FOXJ3: variants seen among roughly 807,000 people sequenced by gnomAD.
The protein encoded by FOXJ3 is forkhead box protein J3.
In FOXJ3, 22 loss-of-function variants were observed where a neutral mutation model predicts 76.1. The ratio of observed to expected loss-of-function variants is 0.29; its 90% CI spans 0.21 to 0.41. The LOEUF (loss-of-function observed/expected upper bound fraction) is 0.41. Ranked by LOEUF, FOXJ3 falls within the 10% of genes least tolerant of loss-of-function variation. The pLI is 1.00. For synonymous variants in FOXJ3, 269 were observed against 261.2 expected (o/e 1.03, Z -0.29); for missense variants, 613 against 762.1 (o/e 0.80, Z 2.30).
intron 2 of FOXJ3, among the ~76,000 whole-genome samples, chr1:42,287,622 C>A (rs1653143145): frequency 6.6e-6 from 1 of 152,094 alleles, no homozygotes; most frequent in African/African-American, 2.4e-5. Flanking sequence ...ATCTCAGATT[C>A]ATAAAACTGG....
At chr1:42,313,052 C>T (rs879392866) in intron 1 of FOXJ3, among the ~76,000 whole-genome samples, 1 of 151,902 alleles carries the variant, frequency 6.6e-6, no homozygotes, top group Non-Finnish European at 1.5e-5. Context: ...ACCTTCATAC[C>T]GGCTGGGCGC....
At chr1:42,226,228 A>G (rs1647548193) in intron 5 of FOXJ3, among the ~76,000 whole-genome samples, 1 of 151,856 alleles carries the variant, frequency 6.6e-6, no homozygotes, top group Non-Finnish European at 1.5e-5. Context: ...TGCTTAAAAA[A>G]AAAAAAAAGG....
intron 3 of FOXJ3, among the ~76,000 whole-genome samples, chr1:42,275,727 A>C (rs967941049): frequency 5.9e-5 from 9 of 152,226 alleles, no homozygotes; most frequent in African/African-American, 2.2e-4. Flanking sequence ...TTGTTGTATA[A>C]CATAAATTAG....
At chr1:42,305,792 T>C (rs1257077847) in intron 2 of FOXJ3, among the ~76,000 whole-genome samples, 1 of 152,206 alleles carries the variant, frequency 6.6e-6, no homozygotes, top group African/African-American at 2.4e-5. Context: ...AGACCTTGTG[T>C]TTGATTGCAC....
chr1:42,296,113 T>C (rs1380195865), intron 2 of FOXJ3, among the ~76,000 whole-genome samples: 2 of 152,250 alleles, frequency 1.3e-5, no homozygotes, highest in African/African-American at 4.8e-5. Flanking sequence ...GTTGAGTATT[T>C]TTTTCAAGTG....
chr1:42,324,708 C>T (rs1655724902), intron 1 of FOXJ3, among the ~76,000 whole-genome samples: 1 of 151,940 alleles, frequency 6.6e-6, no homozygotes, highest in Admixed American at 6.6e-5. Context: ...AACTGGAATA[C>T]AAAAGTATTT....
In FOXJ3 at chr1:42,311,847, G is replaced by C. The variant is rs115497324; in HGVS notation, c.-17-737C>G. Among the ~76,000 whole-genome samples the C allele has an allele frequency of 3.1e-3, 473 of 152,196 alleles. 4 individuals are homozygous for C. The highest frequency in any genetic ancestry group is 0.011 in the African/African-American group (439 of 41,520). ...ACCACCCACATAACTTTATTCAGAG[G>C]GGATTAAACTGCAAGCTTGTTGTTA... On this transcript the variant is annotated intron_variant, in intron 1 of 12. Coordinates refer to ENST00000361346, the MANE Select transcript of FOXJ3 (RefSeq NM_014947.5).
intron 4 of FOXJ3, among the ~76,000 whole-genome samples, chr1:42,254,518 A>G (rs1248881068): frequency 6.8e-6 from 1 of 147,342 alleles, no homozygotes; most frequent in Non-Finnish European, 1.5e-5. Flanking sequence ...ATGCACACGT[A>G]TGTTTATTGC....
At chr1:42,307,981 CT>C (rs937194918) in intron 2 of FOXJ3, among the ~76,000 whole-genome samples, 14 of 152,252 alleles carry the variant, frequency 9.2e-5, no homozygotes, top group African/African-American at 3.4e-4. Context: ...TTTAGAGAGA[CT>C]GGGGGAGAGA....
intron 2 of FOXJ3, among the ~76,000 whole-genome samples, chr1:42,293,552 GTTC>G (rs1653580836): frequency 6.6e-6 from 1 of 152,046 alleles, no homozygotes; most frequent in African/African-American, 2.4e-5. Flanking sequence ...AGCATACTGG[GTTC>G]TTCTTGATAT....
intron 7 of FOXJ3, 151 bp from the exon 8 acceptor site, chr1:42,195,215 T>A (rs1470202984): frequency 1.6e-5 from 9 of 552,134 alleles, no homozygotes; most frequent in Non-Finnish European, 2.1e-5. Flanking sequence ...TGTTAAAGCA[T>A]AATGGACAGA....
chr1:42,299,112 T>G (rs574929536), intron 2 of FOXJ3, among the ~76,000 whole-genome samples: 1 of 152,352 alleles, frequency 6.6e-6, no homozygotes, highest in Admixed American at 6.5e-5. Flanking sequence ...GATTAATGTA[T>G]GTTCTATAAA....
chr1:42,300,342 C>T (rs1050313883), intron 2 of FOXJ3, among the ~76,000 whole-genome samples: 16 of 152,166 alleles, frequency 1.1e-4, no homozygotes, highest in African/African-American at 3.9e-4. Context: ...ACTGTCCTTT[C>T]GTTAACATGC....
At chr1:42,206,883 T>G (rs1440905428) in intron 5 of FOXJ3, among the ~76,000 whole-genome samples, 1 of 152,172 alleles carries the variant, frequency 6.6e-6, no homozygotes, top group East Asian at 1.9e-4. Flanking sequence ...CAGGCTGTAG[T>G]GCAGTGGTGC....
Position 42,271,681 on chromosome 1 carries a change from G to A in FOXJ3, c.370-6492C>T, listed in dbSNP as rs546580957. 1.7e-4 allele frequency among the ~76,000 whole-genome samples: 26 copies of A among 152,082 alleles called. 1 individual carries two copies. The highest frequency in any genetic ancestry group is 5.1e-4 in the African/African-American group (21 of 41,472). On this transcript the variant is annotated intron_variant, in intron 3 of 12. Coordinates refer to ENST00000361346, the MANE Select transcript of FOXJ3 (RefSeq NM_014947.5). ...TTTATTCTTTTGGAGACAGGGTCTC[G>A]CTCTGTCACCAGGCTGCAGTGTAGT...
chr1:42,279,211 G>A (rs1038617016), intron 2 of FOXJ3, among the ~76,000 whole-genome samples: 8 of 152,190 alleles, frequency 5.3e-5, no homozygotes, highest in African/African-American at 1.9e-4. Flanking sequence ...GTTTATGCAG[G>A]TAGGCGGTAG....
At position 42,189,289 on chromosome 1, in the gene FOXJ3, G is replaced by C; in HGVS notation, c.1453+14C>G. 1.3e-6 allele frequency: 2 copies of C among 1,544,460 alleles called. No homozygotes were observed. The highest frequency in any genetic ancestry group is 9.0e-7 in the Non-Finnish European group (1 of 1,116,930). Reference sequence around the variant, plus strand: ...TGTGTATTTGGTTATATGTCAAAAAGAACCAACACTCACCTTGAAACTGTG... The same window carrying C: ...TGTGTATTTGGTTATATGTCAAAAACAACCAACACTCACCTTGAAACTGTG... On this transcript the variant is annotated intron_variant, in intron 10 of 12. Transcript: ENST00000361346.
intron 2 of FOXJ3, among the ~76,000 whole-genome samples, chr1:42,305,982 C>G (rs1057424301): frequency 1.2e-4 from 19 of 152,144 alleles, no homozygotes; most frequent in Non-Finnish European, 2.9e-5. Flanking sequence ...CATAAATATA[C>G]ATTTTACCCA....
At chr1:42,296,883 T>C (rs140248280) in intron 2 of FOXJ3, among the ~76,000 whole-genome samples, 8 of 152,322 alleles carry the variant, frequency 5.3e-5, no homozygotes, top group African/African-American at 1.4e-4. Context: ...ATCTGTAGAT[T>C]GCTTTGAATA....
Sources: gnomAD v4.1 joint callset for allele counts (sites outside exome capture counted in the v4.1 genomes callset) on GRCh38, gnomAD v4.1.1 for gene constraint, MANE v1.5 for transcripts, NCBI Gene and HGNC (gene_info 2026-07-23, HGNC 2026-07-21) for gene names.